TPTE2: variants seen among roughly 807,000 people sequenced by gnomAD.
TPTE2 encodes phosphatidylinositol 3,4,5-trisphosphate 3-phosphatase TPTE2.
A neutral mutation model predicts 78.6 loss-of-function variants in TPTE2; 53 were observed. The ratio of observed to expected loss-of-function variants is 0.67; its 90% CI spans 0.54 to 0.85. The LOEUF is 0.85. TPTE2 is among the 40% of genes least tolerant of loss of function. The probability of loss-of-function intolerance (pLI) is 0.00; values close to 1 mark genes in which losing one functional copy is unlikely to be tolerated. For missense variants in TPTE2, 461 were observed against 623.0 expected (o/e 0.74, Z 2.77); for synonymous variants, 175 against 206.2 (o/e 0.85, Z 1.30).
chr13:19,509,336 A>G lies in TPTE2; in HGVS notation c.-43-6059T>C, dbSNP rs1465928303. Among the ~76,000 whole-genome samples, 5 of 152,314 alleles carry G rather than the reference A, an allele frequency of 3.3e-5. No homozygotes were observed. The East Asian group carries it at 9.6e-4, about 29-fold the overall frequency. ...AACCGTGGAGAAGATTAACAAAACA[A>G]AAGTGTGTCTCTTTGAAAAGATTAC... is the stretch of plus-strand genomic sequence containing the variant. On this transcript the variant is annotated intron_variant, in intron 1 of 17. Coordinates refer to the TPTE2 transcript ENST00000390680.
intron 15 of TPTE2, among the ~76,000 whole-genome samples, chr13:19,434,415 GA>G (rs1291128836): frequency 6.6e-6 from 1 of 152,240 alleles, no homozygotes; most frequent in African/African-American, 2.4e-5. Flanking sequence ...TAGTGGAAGA[GA>G]AGGTTGGAAA....
chr13:19,482,280 A>G (rs953007703), intron 4 of TPTE2, among the ~76,000 whole-genome samples: 1 of 152,150 alleles, frequency 6.6e-6, no homozygotes, highest in Non-Finnish European at 1.5e-5. Context: ...CTAGAAGAAC[A>G]TTTATTTCTG....
intron 4 of TPTE2, among the ~76,000 whole-genome samples, chr13:19,479,931 C>A (rs1175208916): frequency 5.4e-5 from 8 of 148,420 alleles, no homozygotes; most frequent in Non-Finnish European, 8.9e-5. Context: ...CACTGCACTC[C>A]AGCCTGGTGA....
intron 15 of TPTE2, among the ~76,000 whole-genome samples, chr13:19,435,352 T>G (rs896915201): frequency 6.6e-5 from 10 of 152,214 alleles, no homozygotes; most frequent in Non-Finnish European, 1.3e-4. Context: ...CATACTAAAA[T>G]GCTGTGGGAT....
chr13:19,536,477 T>A (rs1195048992), intron 1 of TPTE2: 1 of 152,198 alleles, frequency 6.6e-6, no homozygotes, highest in African/African-American at 2.4e-5. Flanking sequence ...GTTATGTTGA[T>A]CATTCCTGTG....
chr13:19,478,237 G>A (rs1399410720), intron 4 of TPTE2, among the ~76,000 whole-genome samples: 2 of 152,010 alleles, frequency 1.3e-5, no homozygotes, highest in Non-Finnish European at 2.9e-5. Flanking sequence ...TACAGAATGG[G>A]AGAAAATTTT....
chr13:19,559,501 C>G, the TPTE2 span, among the ~76,000 whole-genome samples: 1 of 150,058 alleles, frequency 6.7e-6, no homozygotes, highest in Non-Finnish European at 1.5e-5. Flanking sequence ...CCCCAGGGGT[C>G]CAGGGGCTGG....
intron 16 of TPTE2, among the ~76,000 whole-genome samples, chr13:19,430,987 C>T (rs946094364): frequency 1.6e-4 from 24 of 151,872 alleles, no homozygotes; most frequent in Admixed American, 9.2e-4. Context: ...ATTAGCCAGG[C>T]GTGGTGGCAC....
the TPTE2 span, among the ~76,000 whole-genome samples, chr13:19,559,772 C>T: frequency 8.5e-6 from 1 of 118,290 alleles, no homozygotes; most frequent in African/African-American, 2.7e-5. Context: ...ACTCTTGGGG[C>T]ACGCTATGGC....
upstream of TPTE2, among the ~76,000 whole-genome samples, chr13:19,506,158 A>ATTTTTTTTT (rs1566069858): frequency 9.8e-4 from 23 of 23,586 alleles, no homozygotes; most frequent in Non-Finnish European, 1.7e-3. Flanking sequence ...GTGTATATAA[A>ATTTTTTTTT]TCTTTTTTTT....
rs1434997324 is a variant in TPTE2, at chr13:19,486,468, A to T, written c.120-3921T>A. ...TGGCCATGGTGCTGTCACTCTAGCC[A>T]GGAGCATGGGGATGCAGTTGCTCAA... On this transcript the variant is annotated intron_variant, in intron 3 of 19. Coordinates refer to ENST00000400230, the Ensembl canonical transcript of TPTE2. The surrounding 1 kb of genome is among the most constrained non-coding windows in gnomAD (Gnocchi z 4.3). 1.3e-5 allele frequency among the ~76,000 whole-genome samples: 2 copies of T among 152,180 alleles called. No individual in the cohort carries two copies. The highest frequency in any genetic ancestry group is 2.9e-5 in the Non-Finnish European group (2 of 68,016).
At chr13:19,439,200 A>C (rs1208304638) in intron 13 of TPTE2, among the ~76,000 whole-genome samples, 1 of 152,172 alleles carries the variant, frequency 6.6e-6, no homozygotes, top group East Asian at 1.9e-4. Context: ...CTGGGGCAGC[A>C]GAGAGCTCCT....
intron 1 of TPTE2, among the ~76,000 whole-genome samples, chr13:19,500,619 C>G (rs930691312): frequency 6.6e-6 from 1 of 152,276 alleles, no homozygotes; most frequent in African/African-American, 2.4e-5. Context: ...GGTAAAAACT[C>G]TCAATAAATT....
chr13:19,493,598 T>G (rs541462045), intron 1 of TPTE2, 97 bp from the exon 5 acceptor site: 545 of 1,089,900 alleles, frequency 5.0e-4, no homozygotes, highest in Non-Finnish European at 7.1e-4. Flanking sequence ...AGAAACCAAT[T>G]AATTTCTGAC....
the TPTE2 span, among the ~76,000 whole-genome samples, chr13:19,556,537 C>A: frequency 9.0e-3 from 1,366 of 152,124 alleles, 6 homozygotes; most frequent in Non-Finnish European, 0.014. Context: ...ATTCTCCCCC[C>A]CACCTTTGAG....
Position 19,453,593 on chromosome 13 carries a change from C to T in TPTE2, c.742-2368G>A, listed in dbSNP as rs866250381. Among the ~76,000 whole-genome samples, 12 of 145,252 alleles carry T rather than the reference C, an allele frequency of 8.3e-5. No homozygotes were observed. In the East Asian group the frequency reaches 2.0e-3, roughly 24 times the overall value. On this transcript the variant is annotated intron_variant, in intron 10 of 19. Coordinates refer to ENST00000400230, the Ensembl canonical transcript of TPTE2. ...AACTCACCATTTAGATGATTTACTG[C>T]TGTGTTTTCTGATCTAAGTAGTTTA... is the stretch of plus-strand genomic sequence containing the variant.
intron 1 of TPTE2, among the ~76,000 whole-genome samples, chr13:19,511,606 A>G (rs1869446564): frequency 6.6e-6 from 1 of 152,124 alleles, no homozygotes; most frequent in Non-Finnish European, 1.5e-5. Flanking sequence ...GGCTGATTCC[A>G]GGGCTGGGGA....
chr13:19,546,743 G>T, the TPTE2 span, among the ~76,000 whole-genome samples: 1 of 151,950 alleles, frequency 6.6e-6, no homozygotes, highest in African/African-American at 2.4e-5. Context: ...ACCCGCCTCA[G>T]CCTCCAAAAG....
At chr13:19,507,459 GC>G, upstream of TPTE2, among the ~76,000 whole-genome samples, 1 of 152,152 alleles carries the variant, frequency 6.6e-6, no homozygotes, top group East Asian at 1.9e-4. Flanking sequence ...ACAGGGAAGG[GC>G]TGAAGAGCCA....
Sources: gnomAD v4.1 joint callset for allele counts (sites outside exome capture counted in the v4.1 genomes callset) on GRCh38, gnomAD v4.1.1 for gene constraint, Gnocchi (gnomAD v3.1) non-coding constraint, MANE v1.5 for transcripts, NCBI Gene and HGNC (gene_info 2026-07-23, HGNC 2026-07-21) for gene names.